Variants in LDLRAD4 observed in about 807,000 individuals in gnomAD.
LDLRAD4 encodes the protein low density lipoprotein receptor class A domain containing 4, also known as low-density lipoprotein receptor class A domain-containing protein 4.
In LDLRAD4, 5 loss-of-function variants were observed where a neutral mutation model predicts 17.0. That is an observed-to-expected ratio of 0.29 (90% CI 0.15 to 0.62). LDLRAD4 has a LOEUF of 0.62. Among genes scored for constraint, LDLRAD4 ranks in the 20% least tolerant of loss-of-function variants. The pLI, the probability that LDLRAD4 is intolerant of heterozygous loss-of-function variation, is 0.84. For synonymous variants in LDLRAD4, 168 were observed against 171.8 expected, an observed-to-expected ratio of 0.98 and a Z score of 0.17; for missense variants, 340 against 424.7, an observed-to-expected ratio of 0.80 and a Z score of 1.75.
chr18:13,603,748 A>G (rs1375802898), intron 3 of LDLRAD4, among the ~76,000 whole-genome samples: 5 of 152,152 alleles, frequency 3.3e-5, no homozygotes. Flanking sequence ...CACCCACTCC[A>G]CGCTGAGCAC....
In LDLRAD4 at chr18:13,390,515, C is replaced by A. The variant is rs1358315325; in HGVS notation, c.40+2753C>A. Among the ~76,000 whole-genome samples the A allele has an allele frequency of 2.0e-5, 3 of 152,160 alleles. No homozygotes were observed. The East Asian group carries it at 5.8e-4, about 29-fold the overall frequency. On this transcript the variant is annotated intron_variant, in intron 2 of 5. Coordinates refer to ENST00000359446, the Ensembl canonical transcript of LDLRAD4. ...TGAGGTTTAATTGGTCTTGGCATCA[C>A]CTAGACCTGCTAAATCAGGACTCTC...
At position 13,380,603 on chromosome 18, in the gene LDLRAD4, G is replaced by A. The variant is rs186075719; in HGVS notation, c.-382-6738G>A. Among the ~76,000 whole-genome samples, 6 of 152,316 alleles carry A rather than the reference G, an allele frequency of 3.9e-5. No individual in the cohort carries two copies. The East Asian group carries it at 1.2e-3, about 29-fold the overall frequency. ...CTAATGCATTAAGGACAGTTATCCT[G>A]TTTATTTTAGGGGGAACTCTCTCCA... On this transcript the variant is annotated intron_variant, in intron 1 of 5. Coordinates refer to ENST00000359446, the Ensembl canonical transcript of LDLRAD4.
chr18:13,491,399 G>T (rs1268598320), intron 3 of LDLRAD4: 1 of 152,096 alleles, frequency 6.6e-6, no homozygotes, highest in Non-Finnish European at 1.5e-5. Flanking sequence ...GCCGGCACCT[G>T]TGTGTGTGTG....
At chr18:13,628,382 A>G (rs1409014673) in intron 4 of LDLRAD4, among the ~76,000 whole-genome samples, 2 of 152,200 alleles carry the variant, frequency 1.3e-5, no homozygotes, top group African/African-American at 4.8e-5. Flanking sequence ...CTGCTGCACC[A>G]CAGACCAGAT....
intron 1 of LDLRAD4, among the ~76,000 whole-genome samples, chr18:13,305,578 G>C (rs919303131): frequency 2.0e-5 from 3 of 152,182 alleles, no homozygotes; most frequent in Non-Finnish European, 4.4e-5. Context: ...AAACCCATAG[G>C]AAGTACCCCT....
chr18:13,460,186 A>G (rs1327025023), intron 3 of LDLRAD4, among the ~76,000 whole-genome samples: 1 of 152,044 alleles, frequency 6.6e-6, no homozygotes, highest in Non-Finnish European at 1.5e-5. Flanking sequence ...TCCTAAATTC[A>G]TAGCTTTTAT....
At chr18:13,479,894 T>G (rs1371772598) in intron 3 of LDLRAD4, among the ~76,000 whole-genome samples, 2 of 152,200 alleles carry the variant, frequency 1.3e-5, no homozygotes, top group African/African-American at 4.8e-5. Context: ...TGTATACCTC[T>G]TAGAATGGCC....
At chr18:13,311,976 C>T (rs567624586) in intron 1 of LDLRAD4, among the ~76,000 whole-genome samples, 8 of 152,122 alleles carry the variant, frequency 5.3e-5, no homozygotes, top group East Asian at 1.9e-4. Context: ...GGACTACAGG[C>T]GCCCACCACC....
chr18:13,246,769 T>G (rs2042976800), intron 1 of LDLRAD4, among the ~76,000 whole-genome samples: 1 of 152,216 alleles, frequency 6.6e-6, no homozygotes, highest in South Asian at 2.1e-4. Context: ...GCAGACCAGG[T>G]CTGCACACCT....
chr18:13,297,980 G>A (rs1464579807), intron 1 of LDLRAD4, among the ~76,000 whole-genome samples: 1 of 152,244 alleles, frequency 6.6e-6, no homozygotes, highest in Admixed American at 6.5e-5. Flanking sequence ...TAACCAGGAA[G>A]ATGCATGGGG....
At chr18:13,497,906 CCTT>C (rs1158100743) in intron 3 of LDLRAD4, among the ~76,000 whole-genome samples, 2 of 151,996 alleles carry the variant, frequency 1.3e-5, no homozygotes, top group African/African-American at 4.8e-5. Flanking sequence ...ACTGGAGAAT[CCTT>C]CTGCCCACAC....
chr18:13,443,872 G>A (rs1441601365), intron 3 of LDLRAD4, among the ~76,000 whole-genome samples: 1 of 152,202 alleles, frequency 6.6e-6, no homozygotes, highest in Non-Finnish European at 1.5e-5. Context: ...GGTAGGTAAT[G>A]CAGAGGTCTG....
intron 1 of LDLRAD4, among the ~76,000 whole-genome samples, chr18:13,248,909 C>T (rs1196594351): frequency 2.0e-5 from 3 of 152,210 alleles, no homozygotes; most frequent in African/African-American, 7.2e-5. Context: ...CCTTTCCCTA[C>T]AACCCTTCCC....
At chr18:13,357,297 T>C (rs530054819) in intron 1 of LDLRAD4, among the ~76,000 whole-genome samples, 1 of 152,308 alleles carries the variant, frequency 6.6e-6, no homozygotes, top group African/African-American at 2.4e-5. Context: ...CAGGCTGGAC[T>C]CCTGGGCTTA....
upstream of LDLRAD4, among the ~76,000 whole-genome samples, chr18:13,273,968 C>T (rs547067517): frequency 1.3e-5 from 2 of 152,194 alleles, no homozygotes; most frequent in African/African-American, 4.8e-5. Context: ...ATCGGCAGCC[C>T]CACAGGACCC....
At chr18:13,334,198 A>G (rs990446111) in intron 1 of LDLRAD4, among the ~76,000 whole-genome samples, 14 of 151,884 alleles carry the variant, frequency 9.2e-5, no homozygotes, top group Admixed American at 9.2e-4. Flanking sequence ...TTCATATTTC[A>G]TTTGTTCTTC....
intron 1 of LDLRAD4, among the ~76,000 whole-genome samples, chr18:13,244,098 C>T (rs2042831164): frequency 6.7e-6 from 1 of 148,240 alleles, no homozygotes; most frequent in Admixed American, 6.7e-5. Flanking sequence ...TCTACCCATC[C>T]ATCCATTCAT....
intron 1 of LDLRAD4, among the ~76,000 whole-genome samples, chr18:13,248,641 A>G (rs556831167): frequency 6.1e-4 from 93 of 152,248 alleles, no homozygotes; most frequent in Non-Finnish European, 1.1e-3. Context: ...TTAAAAATGG[A>G]CACATAATAA....
At chr18:13,321,914 GAAT>G (rs570601071) in intron 1 of LDLRAD4, among the ~76,000 whole-genome samples, 30,833 of 84,104 alleles carry the variant, frequency 0.37, 7,294 homozygotes, top group African/African-American at 0.48. Flanking sequence ...AAAAGAAAAA[GAAT>G]AAAAAGAATA....
Sources: allele counts gnomAD v4.1 joint callset (sites outside exome capture counted in the v4.1 genomes callset), GRCh38; gene constraint gnomAD v4.1.1; transcripts MANE v1.5; gene names NCBI Gene and HGNC (gene_info 2026-07-23, HGNC 2026-07-21).